Variants in KIFC1 observed in about 807,000 individuals in gnomAD.
The protein encoded by KIFC1 is kinesin-like protein KIFC1.
KIFC1 carries 37 observed loss-of-function variants against 66.6 expected under a neutral mutation model. The ratio of observed to expected loss-of-function variants is 0.56; its 90% CI spans 0.43 to 0.73. The LOEUF (loss-of-function observed/expected upper bound fraction) is 0.73, where lower values mean the gene tolerates loss of function less well. Ranked by LOEUF, KIFC1 falls within the 30% of genes least tolerant of loss-of-function variation. The probability of loss-of-function intolerance (pLI) is 0.00; values close to 1 mark genes in which losing one functional copy is unlikely to be tolerated. For synonymous variants in KIFC1, 325 were observed against 343.5 expected (o/e 0.95, Z 0.60); for missense variants, 721 against 859.8 (o/e 0.84, Z 2.02).
At chr6:33,394,720 G>T (rs1334173467) in intron 1 of KIFC1, among the ~76,000 whole-genome samples, 1 of 152,152 alleles carries the variant, frequency 6.6e-6, no homozygotes, top group Non-Finnish European at 1.5e-5. Flanking sequence ...GAACTCAAGT[G>T]ATCCGCCCGC....
At position 33,403,408 on chromosome 6, in the gene KIFC1, G is replaced by C. The variant is rs1775476785; in HGVS notation, c.304+41G>C. The stretch of plus-strand genomic sequence containing the variant: ...AGCTGGGTCTGAGAAGGGATTTGGG[G>C]TATGTGTAAAGGGAGAATGATGGAG... On this transcript the variant is annotated intron_variant, in intron 4 of 10. Coordinates refer to ENST00000428849, the MANE Select transcript of KIFC1 (RefSeq NM_002263.4). This position sits in a 1 kb window ranked among gnomAD's most constrained non-coding sequence, Gnocchi z 4.6. The C allele has an allele frequency of 2.5e-6, 4 of 1,611,442 alleles. No individual in the cohort carries two copies. In the Admixed American group the frequency reaches 5.0e-5, roughly 20 times the overall value.
Position 33,403,845 on chromosome 6 carries a change from C to G in KIFC1, c.472C>G (p.Gln158Glu), listed in dbSNP as rs763233042. The change falls in exon 6 of 11, where the codon CAA becomes GAA. Residue 158 changes from glutamine to glutamate, a missense_variant. By Grantham distance (29) the Gln-to-Glu change is conservative. Coordinates refer to ENST00000428849, the MANE Select transcript of KIFC1 (RefSeq NM_002263.4). This position sits in a 1 kb window ranked among gnomAD's most constrained non-coding sequence, Gnocchi z 4.6. Reference sequence around the variant, plus strand: ...ACTAAAACGGTGCCGTGAGAGGACTCAAACGTTGGACCAAGAGAACCAGCA... The same window carrying G: ...ACTAAAACGGTGCCGTGAGAGGACTGAAACGTTGGACCAAGAGAACCAGCA... ...AELKRCRERTQTLDQENQQLQ... is the reference protein window; with the variant it reads ...AELKRCRERTETLDQENQQLQ... 1 of 1,614,248 alleles carries G rather than the reference C, an allele frequency of 6.2e-7. No individual in the cohort carries two copies. The highest frequency in any genetic ancestry group is 1.1e-5 in the South Asian group (1 of 91,092).
At chr6:33,408,486 G>C (rs1218180148) in intron 10 of KIFC1, among the ~76,000 whole-genome samples, 1 of 152,036 alleles carries the variant, frequency 6.6e-6, no homozygotes, top group East Asian at 1.9e-4. Context: ...TTCATTAAGG[G>C]GTTTCTAAAT....
At position 33,404,878 on chromosome 6, in the gene KIFC1, C is replaced by A; in HGVS notation, c.783C>A (p.Ala261=). ...GGAGGCTGCAGACATCAGAAGCAGC[C>A]CTGTCAAGCAGCCAAGCAGAGGTGG... is the stretch of plus-strand genomic sequence containing the variant. ...KERRLQTSEA[A]LSSSQAEVAS... The change falls in exon 7 of 11, where the codon GCC becomes GCA. Residue 261 remains alanine (A), a synonymous_variant. Transcript: ENST00000428849. This position sits in a 1 kb window ranked among gnomAD's most constrained non-coding sequence, Gnocchi z 4.0. 6.2e-7 allele frequency: 1 copy of A among 1,612,470 alleles called. No homozygotes were observed. The highest frequency in any genetic ancestry group is 8.5e-7 in the Non-Finnish European group (1 of 1,179,066).
rs1043927075 is a variant in KIFC1, at chr6:33,409,178, A to C, written c.1978-468A>C. Among the ~76,000 whole-genome samples the C allele has an allele frequency of 6.6e-5, 10 of 152,068 alleles. No homozygotes were observed. The East Asian group carries it at 1.9e-3, about 29-fold the overall frequency. Reference sequence around the variant, plus strand: ...AAGACTCCGTCTCAACAACAACAACAAAAAAAAGAGCCTCCTTCAGATTGG... The same window carrying C: ...AAGACTCCGTCTCAACAACAACAACCAAAAAAAGAGCCTCCTTCAGATTGG... On this transcript the variant is annotated intron_variant, in intron 10 of 10. Coordinates refer to ENST00000428849, the MANE Select transcript of KIFC1 (RefSeq NM_002263.4).
intron 10 of KIFC1, chr6:33,407,186 A>T: frequency 4.3e-6 from 3 of 703,424 alleles, no homozygotes; most frequent in Non-Finnish European, 6.1e-6. Context: ...AGGCAGGAGG[A>T]TTGCTTGAGC....
At chr6:33,396,830 T>C (rs556454603) in intron 1 of KIFC1, among the ~76,000 whole-genome samples, 6 of 151,586 alleles carry the variant, frequency 4.0e-5, no homozygotes, top group South Asian at 2.1e-4. Flanking sequence ...TACAGGCGCC[T>C]GCCACCACGC....
In KIFC1 at chr6:33,409,707, G is replaced by C. The variant is rs437874; in HGVS notation, c.*17G>C. On this transcript the variant is annotated 3_prime_UTR_variant, in exon 11 of 11. Transcript: ENST00000428849. ...AGGAAGTGAAGACGGATCCAGATCT[G>C]TGTGTGTGTGTGTGTGTGTGTGTGT... is the stretch of plus-strand genomic sequence containing the variant. The C allele has an allele frequency of 0.4, 133,338 of 333,026 alleles. 16,638 individuals carry two copies. The highest frequency in any genetic ancestry group is 0.43 in the Non-Finnish European group (109,807 of 258,334). 20.6% of individuals were successfully genotyped at this position (333,026 alleles called of 1,614,324 possible).
chr6:33,392,112 G>A, intron 1 of KIFC1, 115 bp downstream of exon 1: 2 of 1,179,170 alleles, frequency 1.7e-6, no homozygotes, highest in Non-Finnish European at 1.2e-6. Context: ...CCGGGAGAGC[G>A]AAGGTCCGTG....
rs760382654 is a variant in KIFC1 at position 33,400,460 on chromosome 6, C to T, written c.250+2073C>T. 8 of 1,602,866 alleles carry T rather than the reference C, an allele frequency of 5.0e-6. No individual in the cohort carries two copies. In the East Asian group the frequency reaches 1.1e-4, roughly 22 times the overall value. On this transcript the variant is annotated intron_variant, in intron 3 of 10. Coordinates refer to ENST00000428849, the MANE Select transcript of KIFC1 (RefSeq NM_002263.4). This position sits in a 1 kb window ranked among gnomAD's most constrained non-coding sequence, Gnocchi z 4.3. Reference sequence around the variant, plus strand: ...TTTTTTGGAGACAGACCCAGGGGGCCGATCTTGGGGGCCAGGGCAGAAGTG... The same window carrying T: ...TTTTTTGGAGACAGACCCAGGGGGCTGATCTTGGGGGCCAGGGCAGAAGTG...
intron 3 of KIFC1, chr6:33,399,922 C>A: frequency 1.8e-6 from 1 of 550,696 alleles, no homozygotes. Context: ...CCTTAGTTTA[C>A]TATAACTATT....
At position 33,406,391 on chromosome 6, in the gene KIFC1, C is replaced by T. The variant is rs1436780638; in HGVS notation, c.1732C>T (p.Leu578Phe). The T allele has an allele frequency of 6.2e-6, 10 of 1,612,218 alleles. No individual in the cohort carries two copies. In the African/African-American group the frequency reaches 9.3e-5, roughly 15 times the overall value. The change falls in exon 8 of 11, where the codon CTC (leucine) becomes TTC (phenylalanine). Residue 578 changes from leucine to phenylalanine, a missense_variant. Leu to Phe is a conservative substitution (Grantham distance 22, BLOSUM62 0). Transcript: ENST00000428849. The surrounding 1 kb of genome is among the most constrained non-coding windows in gnomAD (Gnocchi z 4.5). ...TGAGCGACTTGACCCCGGCTTAGCC[C>T]TCGGCCCCGGGGAGCGGGAACGCCT... is the stretch of plus-strand genomic sequence containing the variant. ...GSERLDPGLA[L>F]GPGERERLRE...
intron 1 of KIFC1, among the ~76,000 whole-genome samples, chr6:33,396,984 G>GTTT (rs1554298437): frequency 1.9e-4 from 14 of 75,212 alleles, no homozygotes; most frequent in African/African-American, 5.6e-4. Flanking sequence ...GCCTGGCCAA[G>GTTT]TTCTTTTTTT....
chr6:33,407,760 A>G (rs1438025897), intron 10 of KIFC1, among the ~76,000 whole-genome samples: 2 of 152,216 alleles, frequency 1.3e-5, no homozygotes, highest in African/African-American at 4.8e-5. Flanking sequence ...AATTCTCACT[A>G]ATGAGAATTC....
chr6:33,397,935 GT>G, intron 1 of KIFC1, 93 bp from the exon 2 acceptor site: 1 of 1,321,990 alleles, frequency 7.6e-7, no homozygotes, highest in Non-Finnish European at 1.1e-6. Flanking sequence ...GTGCTTGGTG[GT>G]GGTGTTGACA....
In KIFC1 at chr6:33,404,581, G is replaced by C. The variant is rs1775543608; in HGVS notation, c.757-271G>C. ...CTTCCCTCTTTCTGGAATGTTCTTT[G>C]TATACTACATCCTTCCTTGGTTCAC... is the stretch of plus-strand genomic sequence containing the variant. On this transcript the variant is annotated intron_variant, in intron 6 of 10. Transcript: ENST00000428849. The surrounding 1 kb of genome is among the most constrained non-coding windows in gnomAD (Gnocchi z 4.0). Among the ~76,000 whole-genome samples the C allele has an allele frequency of 6.6e-6, 1 of 151,956 alleles. No homozygotes were observed. Among genetic ancestry groups the C allele is most frequent in the Admixed American group, 6.6e-5 (1 of 15,252 alleles).
At chr6:33,392,088 C>T in intron 1 of KIFC1, 91 bp downstream of exon 1, 2 of 1,427,440 alleles carry the variant, frequency 1.4e-6, no homozygotes, top group South Asian at 2.4e-5. Flanking sequence ...CCCGGTCGGC[C>T]TTTGTCATGT....
At chr6:33,396,145 A>G (rs189657051) in intron 1 of KIFC1, among the ~76,000 whole-genome samples, 17 of 152,368 alleles carry the variant, frequency 1.1e-4, no homozygotes, top group Non-Finnish European at 1.5e-5. Context: ...ATTTTTAAAA[A>G]TAATGATGCT....
intron 1 of KIFC1, 69 bp from the exon 2 acceptor site, chr6:33,397,960 G>C: frequency 1.9e-6 from 3 of 1,549,406 alleles, no homozygotes; most frequent in Non-Finnish European, 2.7e-6. Flanking sequence ...GAGGCTGGGG[G>C]CCAAGACAGG....
Sources: gnomAD v4.1 joint callset for allele counts (sites outside exome capture counted in the v4.1 genomes callset) on GRCh38, gnomAD v4.1.1 for gene constraint, Gnocchi (gnomAD v3.1) non-coding constraint, MANE v1.5 for transcripts, NCBI Gene and HGNC (gene_info 2026-07-23, HGNC 2026-07-21) for gene names.